Variants in LHFPL2 observed in about 807,000 individuals in gnomAD.
LHFPL2 encodes the protein LHFPL tetraspan subfamily member 2 protein.
In LHFPL2, 7 loss-of-function variants were observed where a neutral mutation model predicts 17.5. The ratio of observed to expected loss-of-function variants is 0.40; its 90% CI spans 0.23 to 0.75. The LOEUF (loss-of-function observed/expected upper bound fraction) is 0.75, where lower values mean the gene tolerates loss of function less well. Among genes scored for constraint, LHFPL2 ranks in the 30% least tolerant of loss-of-function variants. LHFPL2 has a pLI of 0.37. For synonymous variants in LHFPL2, 134 were observed against 116.2 expected, an observed-to-expected ratio of 1.15 and a Z score of -0.99; for missense variants, 241 against 294.8, an observed-to-expected ratio of 0.82 and a Z score of 1.34.
intron 3 of LHFPL2, among the ~76,000 whole-genome samples, chr5:78,519,052 C>T (rs1244788624): frequency 3.8e-5 from 2 of 53,110 alleles, no homozygotes; most frequent in Admixed American, 3.8e-4. Flanking sequence ...GAAGTCTGTC[C>T]CATTCTATGC....
At chr5:78,531,305 CT>C (rs936739823) in intron 3 of LHFPL2, among the ~76,000 whole-genome samples, 1 of 151,430 alleles carries the variant, frequency 6.6e-6, no homozygotes, top group Non-Finnish European at 1.5e-5. Flanking sequence ...ATCCCAGCTA[CT>C]GGGGAGGCTG....
intron 3 of LHFPL2, among the ~76,000 whole-genome samples, chr5:78,513,810 C>CGG (rs1209168181): frequency 1.3e-5 from 2 of 152,196 alleles, no homozygotes; most frequent in Non-Finnish European, 2.9e-5. Context: ...TGTGAGGCCT[C>CGG]CCCAGTCATG....
intron 2 of LHFPL2, among the ~76,000 whole-genome samples, chr5:78,590,796 C>T (rs1252873330): frequency 6.6e-6 from 1 of 152,174 alleles, no homozygotes; most frequent in East Asian, 1.9e-4. Context: ...AGCGTAAAGT[C>T]ATAATACGTC....
intron 1 of LHFPL2, among the ~76,000 whole-genome samples, chr5:78,646,981 T>C (rs566740067): frequency 2.0e-5 from 3 of 152,336 alleles, no homozygotes; most frequent in African/African-American, 7.2e-5. Context: ...ACAATGTCTT[T>C]TTCCTGATAT....
chr5:78,605,373 T>G (rs1225001566), intron 2 of LHFPL2, among the ~76,000 whole-genome samples: 2 of 152,194 alleles, frequency 1.3e-5, no homozygotes, highest in Non-Finnish European at 2.9e-5. Flanking sequence ...GCAGGGTGAC[T>G]TGTGTCTGGG....
At position 78,637,759 on chromosome 5, in the gene LHFPL2, T is replaced by C. The variant is rs1745506852; in HGVS notation, c.-349-5391A>G. On this transcript the variant is annotated intron_variant, in intron 1 of 4. Transcript: ENST00000380345. ...GGGGAAGCATCACGGAGAGAGCTTG[T>C]TAGAGATACAGAATCCTAGGCCCTA... is the stretch of plus-strand genomic sequence containing the variant. Among the ~76,000 whole-genome samples, 5 of 152,172 alleles carry C rather than the reference T, an allele frequency of 3.3e-5. No homozygotes were observed. In the South Asian group the frequency reaches 1.0e-3, roughly 31 times the overall value.
At position 78,541,646 on chromosome 5, in the gene LHFPL2, A is replaced by C. The variant is rs184684751; in HGVS notation, c.-186+23167T>G. ...GTGTGTGACCAGCCTGCCACCTGAT[A>C]AATCAGTTACTAAAACAGATCTCAG... On this transcript the variant is annotated intron_variant, in intron 3 of 4. Coordinates refer to ENST00000380345, the MANE Select transcript of LHFPL2 (RefSeq NM_005779.3). 1.2e-4 allele frequency among the ~76,000 whole-genome samples: 19 copies of C among 152,318 alleles called. 1 individual carries two copies. The South Asian group carries it at 3.9e-3, about 32-fold the overall frequency.
chr5:78,565,543 T>C (rs1351119630), intron 2 of LHFPL2, among the ~76,000 whole-genome samples: 1 of 152,226 alleles, frequency 6.6e-6, no homozygotes, highest in Non-Finnish European at 1.5e-5. Flanking sequence ...AATCCTCAAA[T>C]ATCTCTTCAG....
intron 2 of LHFPL2, among the ~76,000 whole-genome samples, chr5:78,599,882 T>C (rs1743951628): frequency 6.6e-6 from 1 of 152,068 alleles, no homozygotes; most frequent in East Asian, 1.9e-4. Context: ...TTTCTGGAGT[T>C]CTCTTTACAT....
chr5:78,573,426 T>A (rs1029680618), intron 2 of LHFPL2, among the ~76,000 whole-genome samples: 10 of 152,228 alleles, frequency 6.6e-5, no homozygotes, highest in African/African-American at 2.4e-4. Context: ...TAGCTAAAAA[T>A]AACCACCCCA....
In LHFPL2 at chr5:78,487,784, A is replaced by T. The variant is rs73138114; in HGVS notation, c.*1113T>A. 1 of 152,312 alleles carries T rather than the reference A, an allele frequency of 6.6e-6. No homozygotes were observed. Among genetic ancestry groups the T allele is most frequent in the African/African-American group, 2.4e-5 (1 of 41,550 alleles). 9.4% of individuals were successfully genotyped at this position (152,312 alleles called of 1,614,324 possible). A position where few individuals can be genotyped will look rare whatever the true frequency, so the allele number is the denominator to read the frequency against. ...TTCCTGGAATTAAGGTCTTGGCTGC[A>T]GTTCTTCAGTTGCAGCAATTTAATG... On this transcript the variant is annotated 3_prime_UTR_variant, in exon 5 of 5. Coordinates refer to ENST00000380345, the MANE Select transcript of LHFPL2 (RefSeq NM_005779.3).
intron 3 of LHFPL2, among the ~76,000 whole-genome samples, chr5:78,523,804 A>G (rs931379623): frequency 1.3e-5 from 2 of 152,198 alleles, no homozygotes; most frequent in Admixed American, 1.3e-4. Context: ...TCTCAACCCC[A>G]AACATTTAAT....
chr5:78,628,893 G>C (rs532090408), intron 2 of LHFPL2, among the ~76,000 whole-genome samples: 1 of 152,310 alleles, frequency 6.6e-6, no homozygotes, highest in Admixed American at 6.5e-5. Flanking sequence ...ATAAAGTCAG[G>C]AAAGATAAGC....
At chr5:78,576,309 G>T (rs1580822031) in intron 2 of LHFPL2, among the ~76,000 whole-genome samples, 1 of 150,152 alleles carries the variant, frequency 6.7e-6, no homozygotes, top group South Asian at 2.1e-4. Context: ...AAAAAAAAAA[G>T]ATAAATTTTT....
At position 78,615,427 on chromosome 5, in the gene LHFPL2, A is replaced by G. The variant is rs1744566079; in HGVS notation, c.-245+16837T>C. The stretch of plus-strand genomic sequence containing the variant: ...TTCCTACATCAAATCACATAATCTT[A>G]AACTGGTAATTAGACTAAAAACAAT... On this transcript the variant is annotated intron_variant, in intron 2 of 4. Coordinates refer to ENST00000380345, the MANE Select transcript of LHFPL2 (RefSeq NM_005779.3). Among the ~76,000 whole-genome samples the G allele has an allele frequency of 2.0e-5, 3 of 152,252 alleles. No homozygotes were observed. In the South Asian group the frequency reaches 6.2e-4, roughly 31 times the overall value.
Position 78,489,181 on chromosome 5 carries a change from G to GA in LHFPL2, c.431-29dup, listed in dbSNP as rs762697856. ...GCAGAACAAAAGAGAAAACAGATTA[G>GA]AAAATCCCCATGGTGCTACAACTGT... On this transcript the variant is annotated intron_variant, in intron 4 of 4. Coordinates refer to ENST00000380345, the MANE Select transcript of LHFPL2 (RefSeq NM_005779.3). The GA allele has an allele frequency of 2.5e-5, 40 of 1,612,132 alleles. No individual in the cohort carries two copies. The Admixed American group carries it at 4.5e-4, about 18-fold the overall frequency.
intron 3 of LHFPL2, among the ~76,000 whole-genome samples, chr5:78,535,850 G>A (rs752890791): frequency 1.1e-4 from 16 of 152,176 alleles, no homozygotes; most frequent in East Asian, 1.9e-4. Flanking sequence ...ACTCTGACAC[G>A]AACTCATAAC....
chr5:78,592,467 C>T (rs1046347727), intron 2 of LHFPL2, among the ~76,000 whole-genome samples: 10 of 152,172 alleles, frequency 6.6e-5, no homozygotes, highest in African/African-American at 2.4e-4. Flanking sequence ...CTGCCCAGTG[C>T]GGGAAGCAGG....
chr5:78,536,709 A>G (rs1261424713), intron 3 of LHFPL2, among the ~76,000 whole-genome samples: 2 of 152,206 alleles, frequency 1.3e-5, no homozygotes, highest in Non-Finnish European at 2.9e-5. Flanking sequence ...TATGTCTATT[A>G]TACAATGTTC....
Sources: gnomAD v4.1 joint callset for allele counts (sites outside exome capture counted in the v4.1 genomes callset) on GRCh38, gnomAD v4.1.1 for gene constraint, MANE v1.5 for transcripts, NCBI Gene and HGNC (gene_info 2026-07-23, HGNC 2026-07-21) for gene names.